CACNA2D3: variants seen among roughly 807,000 people sequenced by gnomAD.
CACNA2D3 encodes the protein voltage-dependent calcium channel subunit alpha-2/delta-3.
Under a neutral mutation model 160.6 loss-of-function variants are expected in CACNA2D3, and 60 were observed. The ratio of observed to expected loss-of-function variants is 0.37; its 90% CI spans 0.30 to 0.46. The LOEUF (loss-of-function observed/expected upper bound fraction) is 0.46. Ranked by LOEUF, CACNA2D3 falls within the 20% of genes least tolerant of loss-of-function variation. The pLI, the probability that CACNA2D3 is intolerant of heterozygous loss-of-function variation, is 1.00. For synonymous variants in CACNA2D3, 558 were observed against 492.9 expected, an observed-to-expected ratio of 1.13 and a Z score of -1.75; for missense variants, 1,205 against 1,365.0, an observed-to-expected ratio of 0.88 and a Z score of 1.85.
At chr3:54,473,170 G>A (rs1700767323) in intron 4 of CACNA2D3, among the ~76,000 whole-genome samples, 1 of 152,136 alleles carries the variant, frequency 6.6e-6, no homozygotes, top group African/African-American at 2.4e-5. Flanking sequence ...GCATGGTACT[G>A]GTACCAAAAC....
At chr3:54,805,025 C>A (rs1218670032) in intron 13 of CACNA2D3, among the ~76,000 whole-genome samples, 2 of 152,132 alleles carry the variant, frequency 1.3e-5, no homozygotes, top group Non-Finnish European at 2.9e-5. Context: ...CACAACATAC[C>A]AGAATCTGTG....
intron 18 of CACNA2D3, among the ~76,000 whole-genome samples, chr3:54,876,769 G>T (rs1208693812): frequency 6.6e-6 from 1 of 152,138 alleles, no homozygotes; most frequent in Non-Finnish European, 1.5e-5. Flanking sequence ...TAAAATCTGT[G>T]CCTGACACAC....
rs547572977 is a variant in CACNA2D3, at chr3:54,973,955, T to A, written c.2556+4111T>A. Among the ~76,000 whole-genome samples the A allele has an allele frequency of 3.4e-4, 51 of 152,222 alleles. 1 individual carries two copies. Among genetic ancestry groups the A allele is most frequent in the Admixed American group, 3.3e-3 (50 of 15,296 alleles). ...CAGAGATTCAGGCCCCACCCTCAGA[T>A]GCAAGAACCTAGTGTGTGTGTGTGT... On this transcript the variant is annotated intron_variant, in intron 29 of 37. Transcript: ENST00000474759.
At chr3:54,483,337 C>T (rs1338137903) in intron 4 of CACNA2D3, among the ~76,000 whole-genome samples, 1 of 152,082 alleles carries the variant, frequency 6.6e-6, no homozygotes, top group Non-Finnish European at 1.5e-5. Flanking sequence ...CAGCATCTTG[C>T]AGTTGATTAG....
chr3:54,596,080 C>T (rs1228042610), intron 9 of CACNA2D3, among the ~76,000 whole-genome samples: 4 of 152,084 alleles, frequency 2.6e-5, no homozygotes, highest in Non-Finnish European at 5.9e-5. Context: ...CTTTCTCTTT[C>T]AGCACTCCTC....
chr3:54,667,340 T>A (rs1214210836), intron 11 of CACNA2D3, among the ~76,000 whole-genome samples: 8 of 152,154 alleles, frequency 5.3e-5, no homozygotes. Flanking sequence ...GCGGGCCAGT[T>A]TTGTTTTGTG....
chr3:55,008,596 A>G (rs1054878992), intron 33 of CACNA2D3, among the ~76,000 whole-genome samples: 19 of 149,896 alleles, frequency 1.3e-4, no homozygotes, highest in African/African-American at 4.8e-4. Flanking sequence ...AATGTAACCT[A>G]TATTAATTTA....
chr3:54,740,245 T>A (rs898318000), intron 11 of CACNA2D3, among the ~76,000 whole-genome samples: 1 of 152,174 alleles, frequency 6.6e-6, no homozygotes, highest in Non-Finnish European at 1.5e-5. Context: ...TCTGAGAGAT[T>A]AAGACACAAT....
intron 14 of CACNA2D3, among the ~76,000 whole-genome samples, chr3:54,819,643 G>A (rs1223273966): frequency 3.3e-5 from 5 of 152,120 alleles, no homozygotes; most frequent in African/African-American, 4.8e-5. Flanking sequence ...TCAGGAGATC[G>A]AGACCATCCT....
chr3:54,708,324 A>G (rs1358602135), intron 11 of CACNA2D3, among the ~76,000 whole-genome samples: 1 of 152,198 alleles, frequency 6.6e-6, no homozygotes, highest in Non-Finnish European at 1.5e-5. Context: ...TTTTGCCTGC[A>G]TGTTCTAATG....
intron 13 of CACNA2D3, among the ~76,000 whole-genome samples, chr3:54,808,720 C>G (rs764568150): frequency 6.6e-6 from 1 of 152,160 alleles, no homozygotes; most frequent in Non-Finnish European, 1.5e-5. Context: ...AGTAATAACA[C>G]TATTAGTAGA....
intron 31 of CACNA2D3, among the ~76,000 whole-genome samples, chr3:55,004,194 A>G (rs1703038674): frequency 6.6e-6 from 1 of 152,238 alleles, no homozygotes; most frequent in African/African-American, 2.4e-5. Flanking sequence ...TGTTTTCAAA[A>G]TAAGGTACAT....
At chr3:54,948,152 TCTC>T (rs1343138717) in intron 27 of CACNA2D3, among the ~76,000 whole-genome samples, 3 of 152,076 alleles carry the variant, frequency 2.0e-5, no homozygotes, top group Non-Finnish European at 2.9e-5. Flanking sequence ...TATTTCTACT[TCTC>T]CTCTCACCCC....
chr3:54,891,500 A>G, intron 25 of CACNA2D3, 50 bp downstream of exon 25: 1 of 1,326,712 alleles, frequency 7.5e-7, no homozygotes, highest in Non-Finnish European at 1.1e-6. Flanking sequence ...CTGAAATGGA[A>G]CATTCAAAGG....
intron 8 of CACNA2D3, among the ~76,000 whole-genome samples, chr3:54,580,130 T>A (rs895300055): frequency 6.6e-6 from 1 of 152,034 alleles, no homozygotes; most frequent in Non-Finnish European, 1.5e-5. Context: ...AAGTCGATCA[T>A]TTTTGCCGTG....
chr3:54,388,217 T>A (rs1699222242), intron 4 of CACNA2D3, among the ~76,000 whole-genome samples: 1 of 152,146 alleles, frequency 6.6e-6, no homozygotes, highest in Non-Finnish European at 1.5e-5. Context: ...GGAAGATGGC[T>A]ACATGGAAAA....
chr3:54,208,519 G>A (rs963111327), intron 2 of CACNA2D3, among the ~76,000 whole-genome samples: 2 of 152,188 alleles, frequency 1.3e-5, no homozygotes, highest in African/African-American at 4.8e-5. Context: ...ATCTCTGAAT[G>A]GCCTCTGCCT....
intron 34 of CACNA2D3, among the ~76,000 whole-genome samples, chr3:55,011,760 G>A (rs954294251): frequency 6.6e-6 from 1 of 152,014 alleles, no homozygotes; most frequent in East Asian, 1.9e-4. Context: ...TCATGTCCCC[G>A]AAAGGAAATC....
chr3:54,747,983 C>G (rs183008281), intron 11 of CACNA2D3, among the ~76,000 whole-genome samples: 3 of 152,154 alleles, frequency 2.0e-5, no homozygotes, highest in Admixed American at 2.0e-4. Context: ...GTTTCCCTCC[C>G]AAGAAAATGT....
Sources: allele counts gnomAD v4.1 joint callset (sites outside exome capture counted in the v4.1 genomes callset), GRCh38; gene constraint gnomAD v4.1.1; transcripts MANE v1.5; gene names NCBI Gene and HGNC (gene_info 2026-07-23, HGNC 2026-07-21).